The following DNAH3 variants were observed in gnomAD, a reference collection of about 807,000 sequenced individuals.
The protein encoded by DNAH3 is dynein axonemal heavy chain 3, also known as axonemal beta dynein heavy chain 3.
A neutral mutation model predicts 432.5 loss-of-function variants in DNAH3; 332 were observed. The ratio of observed to expected loss-of-function variants is 0.77; its 90% CI spans 0.70 to 0.84. The LOEUF is 0.84. DNAH3 is among the 40% of genes least tolerant of loss of function. The probability of loss-of-function intolerance (pLI) is 0.00; values close to 1 mark genes in which losing one functional copy is unlikely to be tolerated. For missense variants in DNAH3, 4,861 were observed against 5,114.0 expected (o/e 0.95, Z 1.51); for synonymous variants, 1,956 against 1,900.2 (o/e 1.03, Z -0.76).
At chr16:20,936,650 T>C (rs1379459033) in exon 60 of DNAH3, 12 of 1,592,334 alleles carry the variant, frequency 7.5e-6, no homozygotes, top group Non-Finnish European at 1.0e-5. Context: ...CCCAGGTACC[T>C]GGAAGAAGGT....
At chr16:20,955,988 G>C (rs1416724669) in intron 54 of DNAH3, among the ~76,000 whole-genome samples, 1 of 151,592 alleles carries the variant, frequency 6.6e-6, no homozygotes, top group Non-Finnish European at 1.5e-5. Flanking sequence ...CAGTACAGGG[G>C]TGCATCTCGG....
intron 1 of DNAH3, among the ~76,000 whole-genome samples, chr16:21,152,656 G>A (rs36119081): frequency 3.9e-5 from 6 of 152,256 alleles, no homozygotes; most frequent in African/African-American, 1.4e-4. Context: ...CTGGAGTTCC[G>A]GGTGGGCGTG....
intron 10 of DNAH3, chr16:21,120,976 G>T: frequency 1.3e-6 from 1 of 771,072 alleles, no homozygotes. Flanking sequence ...TTTTAATGGA[G>T]TACTTAGAAC....
At chr16:21,069,232 AT>A (rs1275792688) in intron 23 of DNAH3, among the ~76,000 whole-genome samples, 182 bp downstream of exon 23, 1 of 152,240 alleles carries the variant, frequency 6.6e-6, no homozygotes, top group Admixed American at 6.5e-5. Flanking sequence ...GGCATGAGCC[AT>A]CGCACTGGTC....
At chr16:21,055,036 G>C (rs2090084024) in intron 27 of DNAH3, among the ~76,000 whole-genome samples, 1 of 150,426 alleles carries the variant, frequency 6.6e-6, no homozygotes, top group Admixed American at 6.6e-5. Context: ...TCACATTAAA[G>C]AGACAAAGGA....
chr16:21,031,601 C>CAA (rs749158288), intron 36 of DNAH3, among the ~76,000 whole-genome samples: 17 of 126,528 alleles, frequency 1.3e-4, no homozygotes, highest in African/African-American at 4.0e-4. Flanking sequence ...AGCCGTCTCT[C>CAA]AAAAAAAAAA....
chr16:21,057,502 G>A (rs1027438857), intron 27 of DNAH3, among the ~76,000 whole-genome samples: 5 of 152,132 alleles, frequency 3.3e-5, no homozygotes, highest in African/African-American at 4.8e-5. Context: ...CTTGAGAGTC[G>A]GGTTAAGTTG....
At chr16:21,013,392 A>C (rs1234509696) in intron 41 of DNAH3, among the ~76,000 whole-genome samples, 1 of 151,920 alleles carries the variant, frequency 6.6e-6, no homozygotes, top group Admixed American at 6.6e-5. Context: ...ACCTTTAGAC[A>C]GGTTAACCAA....
At chr16:21,068,328 G>GGGGA (rs1555546064) in intron 23 of DNAH3, among the ~76,000 whole-genome samples, 3 of 81,274 alleles carry the variant, frequency 3.7e-5, no homozygotes, top group Non-Finnish European at 5.0e-5. Flanking sequence ...TTTTGGGTGG[G>GGGGA]GGGGGGGACA....
At chr16:20,946,862 T>G (rs1286625038) in intron 57 of DNAH3, among the ~76,000 whole-genome samples, 2 of 142,316 alleles carry the variant, frequency 1.4e-5, no homozygotes, top group Non-Finnish European at 3.0e-5. Flanking sequence ...GGTCACTCTG[T>G]GGCCCAGGCT....
intron 18 of DNAH3, among the ~76,000 whole-genome samples, chr16:21,093,605 C>T (rs1341061045): frequency 6.6e-6 from 1 of 151,930 alleles, no homozygotes; most frequent in Non-Finnish European, 1.5e-5. Flanking sequence ...AATAAAGGGA[C>T]TAAAATACTC....
At chr16:20,994,293 AT>A (rs1209343088) in intron 44 of DNAH3, among the ~76,000 whole-genome samples, 1 of 152,062 alleles carries the variant, frequency 6.6e-6, no homozygotes, top group African/African-American at 2.4e-5. Context: ...TTAGCCGGGC[AT>A]TGTGGTGGGT....
At chr16:21,050,844 T>A (rs1199061271) in intron 29 of DNAH3, among the ~76,000 whole-genome samples, 1 of 152,220 alleles carries the variant, frequency 6.6e-6, no homozygotes, top group East Asian at 1.9e-4. Context: ...AGATAAATGT[T>A]AGAAATGAAT....
intron 52 of DNAH3, among the ~76,000 whole-genome samples, chr16:20,967,064 A>G (rs964601822): frequency 6.6e-6 from 1 of 152,206 alleles, no homozygotes; most frequent in African/African-American, 2.4e-5. Flanking sequence ...CAAAAAAGTT[A>G]TACTCTGAGA....
In DNAH3 at chr16:20,955,069, A is replaced by G; in HGVS notation, c.10827-12T>C. Reference sequence around the variant, plus strand: ...TGGTTAGCCAGAGTCTGGAAGAACAATGGACCCAACGTTTTAGAGCAATAC... The same window carrying G: ...TGGTTAGCCAGAGTCTGGAAGAACAGTGGACCCAACGTTTTAGAGCAATAC... On this transcript the variant is annotated splice_polypyrimidine_tract_variant and intron_variant, in intron 54 of 61. Transcript: ENST00000261383. 6.3e-7 allele frequency: 1 copy of G among 1,594,276 alleles called. No individual in the cohort carries two copies. Among genetic ancestry groups the G allele is most frequent in the Non-Finnish European group, 8.6e-7 (1 of 1,169,122 alleles).
intron 61 of DNAH3, among the ~76,000 whole-genome samples, chr16:20,935,129 A>G (rs193251663): frequency 1.3e-5 from 2 of 152,330 alleles, no homozygotes; most frequent in Admixed American, 1.3e-4. Context: ...ATCTGGAAAG[A>G]TTCCCTTTTT....
chr16:20,981,956 ATATAT>A (rs550264750), intron 49 of DNAH3, among the ~76,000 whole-genome samples: 12 of 147,898 alleles, frequency 8.1e-5, no homozygotes, highest in East Asian at 2.0e-4. Context: ...TATAAAGCAC[ATATAT>A]TATATATAAT....
At chr16:20,961,248 T>A (rs2084803246) in intron 53 of DNAH3, among the ~76,000 whole-genome samples, 2 of 152,108 alleles carry the variant, frequency 1.3e-5, no homozygotes, top group Admixed American at 1.3e-4. Flanking sequence ...GTTCAGTAGT[T>A]GGAGATAGGG....
chr16:20,965,180 CCACCACCTTGGCCACGCGATCGTA>C (rs766249183), exon 53 of DNAH3: 2 of 1,613,940 alleles, frequency 1.2e-6, no homozygotes, highest in Admixed American at 1.7e-5. Context: ...CGTTTGGGAG[CCACCACCTTGGCCACGCGATCGTA>C]CACCTCCATG....
Sources: gnomAD v4.1 joint callset for allele counts (sites outside exome capture counted in the v4.1 genomes callset) on GRCh38, gnomAD v4.1.1 for gene constraint, MANE v1.5 for transcripts, NCBI Gene and HGNC (gene_info 2026-07-23, HGNC 2026-07-21) for gene names.